The following MAGI1 variants were observed in gnomAD, a reference collection of about 807,000 sequenced individuals.
The protein encoded by MAGI1 is membrane associated guanylate kinase, WW and PDZ domain containing 1.
In MAGI1, 58 loss-of-function variants were observed where a neutral mutation model predicts 139.9. The ratio of observed to expected loss-of-function variants is 0.41; its 90% confidence interval spans 0.34 to 0.52. MAGI1 has a LOEUF of 0.52. MAGI1 is among the 20% of genes least tolerant of loss of function. The pLI, the probability that MAGI1 is intolerant of heterozygous loss-of-function variation, is 0.12. For missense variants in MAGI1, 1,874 were observed against 1,901.6 expected, an observed-to-expected ratio of 0.99 and a Z score of 0.27; for synonymous variants, 812 against 737.9, an observed-to-expected ratio of 1.10 and a Z score of -1.63.
chr3:65,467,937 G>T (rs1264415371), intron 5 of MAGI1, among the ~76,000 whole-genome samples: 1 of 152,166 alleles, frequency 6.6e-6, no homozygotes, highest in Non-Finnish European at 1.5e-5. Flanking sequence ...AATAACCACA[G>T]ATAATGATGA....
intron 1 of MAGI1, among the ~76,000 whole-genome samples, chr3:65,802,842 T>C (rs1201024849): frequency 1.6e-5 from 2 of 121,966 alleles, no homozygotes; most frequent in Non-Finnish European, 3.5e-5. Context: ...CAAAAGATCA[T>C]CTCATCTGTG....
At chr3:65,660,280 C>T (rs1041468368) in intron 1 of MAGI1, among the ~76,000 whole-genome samples, 1 of 152,244 alleles carries the variant, frequency 6.6e-6, no homozygotes, top group Non-Finnish European at 1.5e-5. Flanking sequence ...TGAAGGTGAA[C>T]ATGGTAAACG....
chr3:65,796,499 T>C (rs2040158596), intron 1 of MAGI1, among the ~76,000 whole-genome samples: 1 of 152,174 alleles, frequency 6.6e-6, no homozygotes, highest in Non-Finnish European at 1.5e-5. Flanking sequence ...TTTTGGTCAC[T>C]AAGCAGAAAA....
intron 1 of MAGI1, among the ~76,000 whole-genome samples, chr3:65,658,049 T>C (rs187691912): frequency 6.6e-6 from 1 of 152,334 alleles, no homozygotes; most frequent in Non-Finnish European, 1.5e-5. Context: ...TTAATGTTAA[T>C]TTAATATGCT....
At chr3:65,422,064 G>A (rs115282497) in intron 12 of MAGI1, among the ~76,000 whole-genome samples, 8 of 152,208 alleles carry the variant, frequency 5.3e-5, no homozygotes, top group Admixed American at 5.2e-4. Context: ...CACTTCTGAG[G>A]GTGCAATAAT....
intron 1 of MAGI1, among the ~76,000 whole-genome samples, chr3:65,914,911 A>G (rs1370905430): frequency 6.6e-6 from 1 of 152,224 alleles, no homozygotes. Flanking sequence ...TGAAGATAAT[A>G]GCACCCCCTT....
intron 1 of MAGI1, among the ~76,000 whole-genome samples, chr3:65,763,243 TC>T (rs1361684788): frequency 6.6e-6 from 1 of 152,188 alleles, no homozygotes; most frequent in Non-Finnish European, 1.5e-5. Flanking sequence ...TCCTTCATTC[TC>T]CCTACATAAT....
chr3:65,487,057 G>A (rs910518896), intron 3 of MAGI1, among the ~76,000 whole-genome samples: 1 of 152,098 alleles, frequency 6.6e-6, no homozygotes, highest in Non-Finnish European at 1.5e-5. Flanking sequence ...CATCACCAAC[G>A]TGGTTCAAAG....
At position 65,521,554 on chromosome 3, in the gene MAGI1, CTGAG is replaced by C. The variant is rs774535972; in HGVS notation, c.431-27927_431-27924del. ...ATTGACTTGAGGCCTGTATTACTTA[CTGAG>C]TATTAATATACAATACAATGAATAT... On this transcript the variant is annotated intron_variant, in intron 2 of 22. Transcript: ENST00000402939. 7.9e-5 allele frequency among the ~76,000 whole-genome samples: 12 copies of C among 152,258 alleles called. No individual in the cohort carries two copies. The East Asian group carries it at 9.7e-4, about 12-fold the overall frequency.
At chr3:65,760,513 A>G (rs1306515361) in intron 1 of MAGI1, among the ~76,000 whole-genome samples, 1 of 151,910 alleles carries the variant, frequency 6.6e-6, no homozygotes, top group African/African-American at 2.4e-5. Context: ...AGGAATATAG[A>G]AGATAGGAAT....
intron 2 of MAGI1, among the ~76,000 whole-genome samples, chr3:65,561,577 C>T (rs2080349376): frequency 6.6e-6 from 1 of 152,150 alleles, no homozygotes; most frequent in Non-Finnish European, 1.5e-5. Context: ...GTATGAAGTT[C>T]TGGTTTCTTC....
chr3:66,032,368 G>A (rs1023213626), intron 1 of MAGI1, among the ~76,000 whole-genome samples: 9 of 137,772 alleles, frequency 6.5e-5, no homozygotes, highest in African/African-American at 2.1e-4. Context: ...CCACCACCAC[G>A]CCCGGCTAAT....
rs13317465 is a variant in MAGI1, at chr3:65,397,375, T to G, written c.2199+4064A>C. Reference sequence around the variant, plus strand: ...TTGCAGGGGAAAGGGACAGAGAGGATAGTGGAACAAAAACCTATCACTGTG... The same window carrying G: ...TTGCAGGGGAAAGGGACAGAGAGGAGAGTGGAACAAAAACCTATCACTGTG... On this transcript the variant is annotated intron_variant, in intron 13 of 22. Coordinates refer to ENST00000402939, the MANE Select transcript of MAGI1 (RefSeq NM_001033057.2). 9.7e-3 allele frequency among the ~76,000 whole-genome samples: 1,474 copies of G among 152,180 alleles called. 22 individuals carry two copies. Among genetic ancestry groups the G allele is most frequent in the African/African-American group, 0.034 (1,402 of 41,522 alleles).
At chr3:65,799,602 A>G (rs1401736620) in intron 1 of MAGI1, among the ~76,000 whole-genome samples, 1 of 152,148 alleles carries the variant, frequency 6.6e-6, no homozygotes, top group Non-Finnish European at 1.5e-5. Flanking sequence ...GGAAGAGCAA[A>G]GTATACTATA....
chr3:65,638,005 CAAGT>C (rs1377798009), intron 1 of MAGI1, among the ~76,000 whole-genome samples: 1 of 152,060 alleles, frequency 6.6e-6, no homozygotes, highest in Non-Finnish European at 1.5e-5. Context: ...TGTGACTGAA[CAAGT>C]GAGTGAATAA....
At position 65,819,019 on chromosome 3, in the gene MAGI1, C is replaced by T. The variant is rs139685459; in HGVS notation, c.314-196931G>A. ...AAGGCATATGGTCCAGGAACAGTGG[C>T]TCATGCTTTGTAATCCCAACACTTT... On this transcript the variant is annotated intron_variant, in intron 1 of 22. Transcript: ENST00000402939. Among the ~76,000 whole-genome samples, 369 of 151,302 alleles carry T rather than the reference C, an allele frequency of 2.4e-3. 1 individual carries two copies. Among genetic ancestry groups the T allele is most frequent in the Middle Eastern group, 0.017 (5 of 290 alleles).
At chr3:65,794,513 G>A (rs918872017) in intron 1 of MAGI1, among the ~76,000 whole-genome samples, 5 of 152,090 alleles carry the variant, frequency 3.3e-5, no homozygotes, top group African/African-American at 1.2e-4. Context: ...CATTCTGCAG[G>A]ACAGTGAGGT....
intron 13 of MAGI1, among the ~76,000 whole-genome samples, 160 bp from the exon 14 acceptor site, chr3:65,391,518 T>G (rs1169386229): frequency 6.6e-6 from 1 of 152,188 alleles, no homozygotes; most frequent in Non-Finnish European, 1.5e-5. Flanking sequence ...TGAATGTAGA[T>G]AAATCCCCAG....
At chr3:65,425,192 T>C (rs66701584) in intron 12 of MAGI1, among the ~76,000 whole-genome samples, 8,094 of 148,216 alleles carry the variant, frequency 0.055, 290 homozygotes, top group South Asian at 0.13. Context: ...TAGAACTTTT[T>C]ATAAAAAATA....
Sources: allele counts gnomAD v4.1 joint callset (sites outside exome capture counted in the v4.1 genomes callset), GRCh38; gene constraint gnomAD v4.1.1; transcripts MANE v1.5; gene names NCBI Gene and HGNC (gene_info 2026-07-23, HGNC 2026-07-21).